Variants in SMCHD1 observed in about 807,000 individuals in gnomAD.
SMCHD1 encodes the protein structural maintenance of chromosomes flexible hinge domain containing 1, also known as structural maintenance of chromosomes flexible hinge domain-containing protein 1.
A neutral mutation model predicts 254.7 loss-of-function variants in SMCHD1; 78 were observed. The ratio of observed to expected loss-of-function variants is 0.31; its 90% CI spans 0.26 to 0.37. SMCHD1 has a LOEUF of 0.37. Among genes scored for constraint, SMCHD1 ranks in the 10% least tolerant of loss-of-function variants. The probability of loss-of-function intolerance (pLI) is 1.00; values close to 1 mark genes in which losing one functional copy is unlikely to be tolerated. For synonymous variants in SMCHD1, 766 were observed against 794.9 expected (o/e 0.96, Z 0.61); for missense variants, 1,840 against 2,408.1 (o/e 0.76, Z 4.94).
At position 2,674,144 on chromosome 18, in the gene SMCHD1, A is replaced by C. The variant is rs1322518667; in HGVS notation, c.637A>C (p.Ser213Arg). ...SKFTRQGDFE[S>R]DHSGYVRPVP... The stretch of plus-strand genomic sequence containing the variant: ...ATTCACAAGGCAAGGTGACTTTGAA[A>C]GGTTAGAAAACCTTACTTTTTTTTT... The change falls in exon 5 of 48, where the codon AGT becomes CGT. Residue 213 changes from serine to arginine, a missense_variant and splice_region_variant. Ser to Arg is a moderately radical substitution (Grantham distance 110). This residue lies in a region of SMCHD1 where 498 missense variants were observed against 743.5 expected (regional missense o/e 0.67). Transcript: ENST00000320876. 6.3e-7 allele frequency: 1 copy of C among 1,575,124 alleles called. No individual in the cohort carries two copies. Among genetic ancestry groups the C allele is most frequent in the Non-Finnish European group, 8.6e-7 (1 of 1,165,548 alleles).
At chr18:2,735,528 C>T (rs371178482) in intron 25 of SMCHD1, among the ~76,000 whole-genome samples, 4 of 152,252 alleles carry the variant, frequency 2.6e-5, no homozygotes, top group African/African-American at 7.2e-5. Context: ...CTAGAAAACA[C>T]TAAAGACTCT....
chr18:2,722,753 G>A (rs1226720865), intron 20 of SMCHD1, 90 bp downstream of exon 20: 2 of 1,120,530 alleles, frequency 1.8e-6, no homozygotes, highest in Non-Finnish European at 2.5e-6. Flanking sequence ...TGTGTAAGGT[G>A]TTCAACTTTA....
At chr18:2,691,796 A>G (rs893672656) in intron 7 of SMCHD1, 2 of 152,240 alleles carry the variant, frequency 1.3e-5, no homozygotes, top group African/African-American at 4.8e-5. Flanking sequence ...TTAGAGGACC[A>G]CCACTGGGTC....
intron 45 of SMCHD1, 155 bp downstream of exon 45, chr18:2,784,776 T>C: frequency 1.2e-6 from 1 of 808,232 alleles, no homozygotes; most frequent in Non-Finnish European, 2.0e-6. Flanking sequence ...TTTCAGCTTT[T>C]TTATATCAGG....
intron 14 of SMCHD1, 79 bp downstream of exon 14, chr18:2,705,886 G>T (rs115927532): frequency 1.3e-6 from 1 of 794,490 alleles, no homozygotes; most frequent in East Asian, 2.7e-5. Context: ...AGTATATTTC[G>T]CTAGTGACTA....
In SMCHD1 at chr18:2,708,818, G is replaced by T. The variant is rs544274793; in HGVS notation, c.2260+898G>T. ...TTTAGTAGAGATGGGGTTTGATGGG[G>T]TTTCATCATATTGGTCAGGCTGGTC... is the stretch of plus-strand genomic sequence containing the variant. On this transcript the variant is annotated intron_variant, in intron 17 of 47. Transcript: ENST00000320876. 9.6e-4 allele frequency among the ~76,000 whole-genome samples: 128 copies of T among 133,144 alleles called. 2 individuals are homozygous for T. Among genetic ancestry groups the T allele is most frequent in the Middle Eastern group, 4.1e-3 (1 of 246 alleles). The allele number at this position is 133,144 out of a possible 152,430, so 87.3% of individuals were successfully genotyped here. A position where few individuals can be genotyped will look rare whatever the true frequency, so the allele number is the denominator to read the frequency against.
intron 21 of SMCHD1, 62 bp downstream of exon 21, chr18:2,725,057 T>G (rs1188656262): frequency 9.7e-7 from 1 of 1,030,360 alleles, no homozygotes; most frequent in Non-Finnish European, 1.4e-6. Flanking sequence ...ATGGTAAGAA[T>G]GAAATTGTAA....
chr18:2,714,652 T>G (rs1281206188), intron 17 of SMCHD1, among the ~76,000 whole-genome samples: 2 of 152,140 alleles, frequency 1.3e-5, no homozygotes, highest in Non-Finnish European at 2.9e-5. Context: ...CCTGTGAATT[T>G]TATACTCTCA....
chr18:2,677,632 T>C (rs925250828), intron 5 of SMCHD1, among the ~76,000 whole-genome samples: 2 of 152,232 alleles, frequency 1.3e-5, no homozygotes, highest in Non-Finnish European at 2.9e-5. Flanking sequence ...TAGTTTTGTT[T>C]TGTTTTGTTT....
At chr18:2,707,220 C>A (rs191274646) in intron 15 of SMCHD1, among the ~76,000 whole-genome samples, 42 of 152,032 alleles carry the variant, frequency 2.8e-4, no homozygotes, top group African/African-American at 9.4e-4. Flanking sequence ...GCTAATGATG[C>A]AATCATTTTG....
At chr18:2,662,019 C>T (rs1337061429) in intron 1 of SMCHD1, among the ~76,000 whole-genome samples, 2 of 142,686 alleles carry the variant, frequency 1.4e-5, no homozygotes, top group Non-Finnish European at 3.0e-5. Context: ...ATTAGCCGGG[C>T]GCGGTGGCAG....
chr18:2,759,812 C>T (rs143373935), intron 34 of SMCHD1, among the ~76,000 whole-genome samples: 6 of 152,096 alleles, frequency 3.9e-5, no homozygotes, highest in East Asian at 1.9e-4. Flanking sequence ...TCAAGTGATC[C>T]GCCTGCCTCA....
At chr18:2,778,332 C>A in intron 44 of SMCHD1, 93 bp downstream of exon 44, 1 of 850,432 alleles carries the variant, frequency 1.2e-6, no homozygotes, top group Non-Finnish European at 1.8e-6. Context: ...CTAGCCTTTT[C>A]AAAACCAATT....
At chr18:2,784,964 G>T (rs1287958389) in intron 45 of SMCHD1, 3 of 364,482 alleles carry the variant, frequency 8.2e-6, no homozygotes, top group East Asian at 8.0e-5. Flanking sequence ...AAAAAAAGAA[G>T]AAATTTCTGT....
intron 30 of SMCHD1, among the ~76,000 whole-genome samples, chr18:2,748,627 G>A (rs930472226): frequency 8.6e-5 from 13 of 151,718 alleles, no homozygotes; most frequent in African/African-American, 3.1e-4. Flanking sequence ...ACTCTTGACC[G>A]CGGGTGATCC....
chr18:2,765,333 C>G (rs1426211463), intron 37 of SMCHD1, among the ~76,000 whole-genome samples: 4 of 152,032 alleles, frequency 2.6e-5, no homozygotes, highest in Non-Finnish European at 4.4e-5. Context: ...TTCTTGATAT[C>G]TTTTCAGTAA....
At chr18:2,801,489 G>T (rs1182228508) in intron 47 of SMCHD1, among the ~76,000 whole-genome samples, 1 of 152,088 alleles carries the variant, frequency 6.6e-6, no homozygotes, top group African/African-American at 2.4e-5. Context: ...CTCATCCTCA[G>T]TCTTTTCCTA....
At chr18:2,791,718 G>A (rs1268692954) in intron 45 of SMCHD1, among the ~76,000 whole-genome samples, 1 of 152,162 alleles carries the variant, frequency 6.6e-6, no homozygotes, top group Non-Finnish European at 1.5e-5. Context: ...CAGAAAAGGG[G>A]AACCCAGGAG....
rs2076258221 is a variant in SMCHD1, at chr18:2,796,045, G to A, written c.5816G>A (p.Arg1939Lys). 1 of 1,584,742 alleles carries A rather than the reference G, an allele frequency of 6.3e-7. No homozygotes were observed. ...GAGTACCTTCGCACTCCGGATATGAGGAAGAAAAAGCAAGAACTTGATGAA... is the reference window on the plus strand; with the variant it reads ...GAGTACCTTCGCACTCCGGATATGAAGAAGAAAAAGCAAGAACTTGATGAA... The part of the protein sequence containing the change: ...QLEYLRTPDM[R>K]KKKQELDEHE... The change falls in exon 46 of 48, where the codon AGG becomes AAG. Residue 1939 changes from arginine (R) to lysine (K), a missense_variant. Physicochemically the swap from Arg to Lys is conservative, Grantham distance 26. Coordinates refer to ENST00000320876, the MANE Select transcript of SMCHD1 (RefSeq NM_015295.3).
Sources: gnomAD v4.1 joint callset for allele counts (sites outside exome capture counted in the v4.1 genomes callset) on GRCh38, gnomAD v4.1.1 for gene constraint, gnomAD v4.1.1 regional missense constraint, MANE v1.5 for transcripts, NCBI Gene and HGNC (gene_info 2026-07-23, HGNC 2026-07-21) for gene names.